The following NALF1 variants were observed in gnomAD, a reference collection of about 807,000 sequenced individuals.
The protein encoded by NALF1 is NALCN channel auxiliary factor 1.
A neutral mutation model predicts 48.4 loss-of-function variants in NALF1; 3 were observed. That is an observed-to-expected ratio of 0.06 (90% CI 0.03 to 0.16). The LOEUF is 0.16. Ranked by LOEUF, NALF1 falls within the 10% of genes least tolerant of loss-of-function variation. NALF1 has a pLI of 1.00. For missense variants in NALF1, 526 were observed against 571.5 expected, an observed-to-expected ratio of 0.92 and a Z score of 0.81; for synonymous variants, 262 against 245.7, an observed-to-expected ratio of 1.07 and a Z score of -0.62.
chr13:107,721,493 T>A (rs1381674233), intron 1 of NALF1, among the ~76,000 whole-genome samples: 1 of 152,220 alleles, frequency 6.6e-6, no homozygotes, highest in East Asian at 1.9e-4. Flanking sequence ...AAGTTCTATA[T>A]GTTTCTGAAA....
chr13:107,638,384 A>G (rs1010090986), intron 1 of NALF1, among the ~76,000 whole-genome samples: 1 of 151,926 alleles, frequency 6.6e-6, no homozygotes, highest in East Asian at 2.0e-4. Flanking sequence ...AACCTAGGTA[A>G]GGAAAGTATG....
intron 1 of NALF1, among the ~76,000 whole-genome samples, chr13:107,243,540 G>A (rs1204799106): frequency 2.0e-5 from 3 of 152,150 alleles, no homozygotes; most frequent in East Asian, 3.9e-4. Flanking sequence ...AGTCAAGACC[G>A]TATCTGCCTT....
intron 2 of NALF1, among the ~76,000 whole-genome samples, chr13:107,175,813 C>T (rs1878915438): frequency 1.3e-5 from 2 of 152,216 alleles, no homozygotes; most frequent in Admixed American, 6.5e-5. Context: ...CTCCCGGACA[C>T]TGCCCTTGGT....
chr13:107,543,362 A>G (rs1423914063), intron 1 of NALF1, among the ~76,000 whole-genome samples: 1 of 152,118 alleles, frequency 6.6e-6, no homozygotes, highest in East Asian at 1.9e-4. Context: ...TCATGAATTC[A>G]ATTGTAATTA....
At chr13:107,580,701 T>C (rs1878280852) in intron 1 of NALF1, among the ~76,000 whole-genome samples, 1 of 152,188 alleles carries the variant, frequency 6.6e-6, no homozygotes, top group Non-Finnish European at 1.5e-5. Context: ...ATCAAATTAA[T>C]CATATATTCT....
intron 1 of NALF1, among the ~76,000 whole-genome samples, chr13:107,776,750 A>G (rs1877742693): frequency 6.6e-6 from 1 of 152,236 alleles, no homozygotes; most frequent in African/African-American, 2.4e-5. Flanking sequence ...TTTGATGTAA[A>G]TGCTGCAATA....
chr13:107,409,149 G>T (rs922397879), intron 1 of NALF1, among the ~76,000 whole-genome samples: 2 of 152,056 alleles, frequency 1.3e-5, no homozygotes, highest in African/African-American at 4.8e-5. Context: ...CAGTTTAACA[G>T]GTTCTTAAGA....
intron 1 of NALF1, among the ~76,000 whole-genome samples, chr13:107,318,500 A>G (rs1882192783): frequency 6.6e-6 from 1 of 152,118 alleles, no homozygotes; most frequent in South Asian, 2.1e-4. Flanking sequence ...TTTACAAAGT[A>G]TGAGTTTCAA....
intron 1 of NALF1, among the ~76,000 whole-genome samples, chr13:107,727,499 T>C (rs1876191834): frequency 6.6e-6 from 1 of 152,072 alleles, no homozygotes; most frequent in South Asian, 2.1e-4. Flanking sequence ...ATAAAAGGCT[T>C]CCTTGAGTCC....
chr13:107,803,673 G>C (rs567033136), intron 1 of NALF1, among the ~76,000 whole-genome samples: 4 of 152,244 alleles, frequency 2.6e-5, no homozygotes, highest in Non-Finnish European at 5.9e-5. Context: ...CAGAAGTATG[G>C]GGAGTTGCTT....
intron 1 of NALF1, among the ~76,000 whole-genome samples, chr13:107,693,131 T>G (rs1478000108): frequency 1.3e-5 from 2 of 152,146 alleles, no homozygotes; most frequent in Non-Finnish European, 2.9e-5. Context: ...TAAAAGAATT[T>G]CCGTTTCTCC....
At position 107,866,314 on chromosome 13, in the gene NALF1, G is replaced by T. The variant is rs1566511629; in HGVS notation, c.283C>A (p.Gln95Lys). ...QQRQRQQQQQ[Q>K]RRQQEPSWPA... ...CAGGAGGGCTCCTGCTGCCGCCGCT[G>T]CTGCTGCTGCTGCTGCCGCTGCCTC... The change falls in exon 1 of 3, where the codon CAG becomes AAG. Residue 95 changes from glutamine to lysine, a missense_variant. This residue lies in a region of NALF1 where 373 missense variants were observed against 355.5 expected (regional missense o/e 1.05). Coordinates refer to ENST00000375915, the MANE Select transcript of NALF1 (RefSeq NM_001080396.3). The surrounding 1 kb of genome is among the most constrained non-coding windows in gnomAD (Gnocchi z 4.4). The T allele has an allele frequency of 6.2e-7, 1 of 1,607,334 alleles. No homozygotes were observed. Among genetic ancestry groups the T allele is most frequent in the African/African-American group, 1.3e-5 (1 of 74,800 alleles).
chr13:107,382,376 T>C (rs1484484600), intron 1 of NALF1, among the ~76,000 whole-genome samples: 1 of 152,226 alleles, frequency 6.6e-6, no homozygotes, highest in Non-Finnish European at 1.5e-5. Flanking sequence ...TCTGTAATCA[T>C]ACAGATACAA....
In NALF1 at chr13:107,542,810, T is replaced by C. The variant is rs1035797964; in HGVS notation, c.915+322872A>G. On this transcript the variant is annotated intron_variant, in intron 1 of 2. Coordinates refer to ENST00000375915, the MANE Select transcript of NALF1 (RefSeq NM_001080396.3). ...CTTCAAATTTTTCTTAGAAAATCTA[T>C]TAACATATTGTAAGTTTAGTCAACT... 1.4e-4 allele frequency among the ~76,000 whole-genome samples: 22 copies of C among 152,252 alleles called. 1 individual carries two copies. The highest frequency in any genetic ancestry group is 5.1e-4 in the African/African-American group (21 of 41,576).
chr13:107,333,210 T>A (rs1882500653), intron 1 of NALF1, among the ~76,000 whole-genome samples: 1 of 152,156 alleles, frequency 6.6e-6, no homozygotes, highest in Admixed American at 6.5e-5. Context: ...TGTTGATTCA[T>A]GAACATTGAA....
chr13:107,349,172 C>A (rs972717075), intron 1 of NALF1, among the ~76,000 whole-genome samples: 1 of 152,194 alleles, frequency 6.6e-6, no homozygotes, highest in Non-Finnish European at 1.5e-5. Flanking sequence ...CATTTTCTAG[C>A]CTGTGCATTT....
At chr13:107,804,405 A>ATT (rs11447524) in intron 1 of NALF1, among the ~76,000 whole-genome samples, 115 of 146,230 alleles carry the variant, frequency 7.9e-4, no homozygotes, top group Admixed American at 4.0e-3. Context: ...CTCAGAGGCC[A>ATT]TTTTTTTTTT....
intron 1 of NALF1, among the ~76,000 whole-genome samples, chr13:107,516,919 T>C (rs1351212195): frequency 1.3e-5 from 2 of 152,218 alleles, no homozygotes; most frequent in African/African-American, 4.8e-5. Flanking sequence ...TATCAACATG[T>C]TGGAAAATCT....
intron 1 of NALF1, among the ~76,000 whole-genome samples, chr13:107,450,415 C>T (rs1884721292): frequency 6.6e-6 from 1 of 151,994 alleles, no homozygotes; most frequent in Non-Finnish European, 1.5e-5. Context: ...CCAACACAAG[C>T]CTGTGGGAGA....
Sources: gnomAD v4.1 joint callset for allele counts (sites outside exome capture counted in the v4.1 genomes callset) on GRCh38, gnomAD v4.1.1 for gene constraint, gnomAD v4.1.1 regional missense constraint, Gnocchi (gnomAD v3.1) non-coding constraint, MANE v1.5 for transcripts, NCBI Gene and HGNC (gene_info 2026-07-23, HGNC 2026-07-21) for gene names.